Variants in CREB3L2 observed in about 807,000 individuals in gnomAD.
CREB3L2 encodes the protein cAMP responsive element binding protein 3 like 2.
In CREB3L2, 23 loss-of-function variants were observed where a neutral mutation model predicts 57.2. That is an observed-to-expected ratio of 0.40 (90% CI 0.29 to 0.57). The LOEUF is 0.57. Among genes scored for constraint, CREB3L2 ranks in the 20% least tolerant of loss-of-function variants. The probability of loss-of-function intolerance (pLI) is 0.42; values close to 1 mark genes in which losing one functional copy is unlikely to be tolerated. For synonymous variants in CREB3L2, 268 were observed against 265.1 expected (o/e 1.01, Z -0.11); for missense variants, 628 against 634.7 (o/e 0.99, Z 0.11).
intron 1 of CREB3L2, 134 bp from the exon 2 acceptor site, chr7:137,928,500 T>C: frequency 2.8e-6 from 2 of 722,800 alleles, no homozygotes; most frequent in Non-Finnish European, 4.8e-6. Flanking sequence ...AGTTAGCTCG[T>C]GCTGTGTAGC....
rs186566230 is a variant in CREB3L2, at chr7:137,932,713, T to C, written c.103-4347A>G. ...CTTTACAGTTAAGTCCCTAGAAGCT[T>C]ACAAAGTTCCTACAAGTTCAAATAT... On this transcript the variant is annotated intron_variant, in intron 1 of 11. Transcript: ENST00000330387. Among the ~76,000 whole-genome samples, 21 of 152,328 alleles carry C rather than the reference T, an allele frequency of 1.4e-4. No homozygotes were observed. In the East Asian group the frequency reaches 4.0e-3, roughly 29 times the overall value.
At chr7:137,909,512 G>A (rs1320942404) in intron 4 of CREB3L2, among the ~76,000 whole-genome samples, 1 of 152,218 alleles carries the variant, frequency 6.6e-6, no homozygotes, top group Non-Finnish European at 1.5e-5. Flanking sequence ...ATAACTGCAG[G>A]TAAACGCTTC....
intron 8 of CREB3L2, among the ~76,000 whole-genome samples, chr7:137,897,161 A>T (rs28612332): frequency 0.017 from 2,580 of 152,332 alleles, 66 homozygotes; most frequent in African/African-American, 0.056. Flanking sequence ...TGATTGTGAT[A>T]ATCATTTCAT....
chr7:137,902,356 CT>C (rs1799781960), intron 7 of CREB3L2, among the ~76,000 whole-genome samples: 1 of 152,118 alleles, frequency 6.6e-6, no homozygotes, highest in African/African-American at 2.4e-5. Context: ...TCCCTCTATA[CT>C]ACAGTAATCT....
chr7:137,994,067 G>C (rs1016627110), intron 1 of CREB3L2, among the ~76,000 whole-genome samples: 1 of 152,296 alleles, frequency 6.6e-6, no homozygotes, highest in Non-Finnish European at 1.5e-5. Context: ...AGAGACAGTG[G>C]GTCTCATTAT....
At chr7:137,962,314 C>A (rs1801336509) in intron 1 of CREB3L2, among the ~76,000 whole-genome samples, 1 of 152,236 alleles carries the variant, frequency 6.6e-6, no homozygotes, top group African/African-American at 2.4e-5. Context: ...CATTGGAAGG[C>A]TGTCATCAAG....
intron 1 of CREB3L2, among the ~76,000 whole-genome samples, chr7:137,962,407 A>C (rs1801337879): frequency 6.6e-6 from 1 of 152,062 alleles, no homozygotes; most frequent in Non-Finnish European, 1.5e-5. Flanking sequence ...AAGGGTTTCT[A>C]GGCCCCCTTT....
In CREB3L2 at chr7:137,882,441, C is replaced by A; in HGVS notation, c.1458G>T (p.Lys486Asn). 1 of 1,613,898 alleles carries A rather than the reference C, an allele frequency of 6.2e-7. No individual in the cohort carries two copies. Among genetic ancestry groups the A allele is most frequent in the East Asian group, 2.2e-5 (1 of 44,882 alleles). The change falls in exon 11 of 12, where the codon AAG becomes AAT. Residue 486 changes from lysine (K) to asparagine (N), a missense_variant. Transcript: ENST00000330387. ...FIISNETSLE[K>N]SVLLELQQHL... ...GCTGCTGCAGCTCCAAAAGCACTGA[C>A]TTCTCCAGGCTGGTCTCATTCGAGA...
chr7:137,978,908 C>A (rs752320484), intron 1 of CREB3L2, among the ~76,000 whole-genome samples: 4 of 152,122 alleles, frequency 2.6e-5, no homozygotes, highest in Non-Finnish European at 5.9e-5. Flanking sequence ...CCTGTGAGGG[C>A]CTAGAGAGTG....
At chr7:138,000,092 G>A (rs749399714) in intron 1 of CREB3L2, among the ~76,000 whole-genome samples, 17 of 152,206 alleles carry the variant, frequency 1.1e-4, no homozygotes, top group Admixed American at 2.0e-4. Flanking sequence ...ATGCCTGTGC[G>A]TAATTCATCC....
chr7:137,881,960 T>C (rs1045053580), intron 11 of CREB3L2, among the ~76,000 whole-genome samples: 14 of 152,180 alleles, frequency 9.2e-5, no homozygotes, highest in Non-Finnish European at 1.2e-4. Context: ...AATTAACACA[T>C]GTGTATTTAC....
At chr7:137,946,699 A>G (rs1800982790) in intron 1 of CREB3L2, among the ~76,000 whole-genome samples, 1 of 147,940 alleles carries the variant, frequency 6.8e-6, no homozygotes, top group Non-Finnish European at 1.5e-5. Context: ...AAGGCTGTCC[A>G]TACATTTTTA....
chr7:137,994,210 T>C (rs747631309), intron 1 of CREB3L2, among the ~76,000 whole-genome samples: 9 of 152,184 alleles, frequency 5.9e-5, no homozygotes, highest in Non-Finnish European at 1.2e-4. Flanking sequence ...AGCTAAGGCT[T>C]AAGGCTATTT....
intron 1 of CREB3L2, among the ~76,000 whole-genome samples, chr7:137,959,611 T>A (rs1423400452): frequency 6.6e-6 from 1 of 152,188 alleles, no homozygotes. Flanking sequence ...TAAACACCAT[T>A]CCCAAAAACG....
chr7:137,903,888 C>T (rs1252594422), intron 7 of CREB3L2, 71 bp downstream of exon 7: 7 of 1,308,744 alleles, frequency 5.3e-6, no homozygotes, highest in South Asian at 4.8e-5. Flanking sequence ...TGCTTCTCCC[C>T]GATTCTCCGC....
intron 1 of CREB3L2, among the ~76,000 whole-genome samples, chr7:137,929,633 T>C (rs943179108): frequency 2.0e-5 from 3 of 150,740 alleles, no homozygotes; most frequent in Admixed American, 6.6e-5. Flanking sequence ...GAGGCCAAGG[T>C]GGGCGGATCA....
chr7:137,905,791 C>A lies in CREB3L2; in HGVS notation c.826G>T (p.Ala276Ser), dbSNP rs757149656. ...TTGGTGGGGATGGGATAGCCCTCAG[C>A]GATCAGGGTCCTCTTCTCCTCCTCT... ...LTEEEKRTLI[A>S]EGYPIPTKLP... is the part of the protein sequence containing the mutation. Residue 276 changes from alanine to serine, a missense_variant, in exon 6 of 12, where the codon GCT (alanine) becomes TCT (serine). Coordinates refer to ENST00000330387, the MANE Select transcript of CREB3L2 (RefSeq NM_194071.4). 1 of 1,614,076 alleles carries A rather than the reference C, an allele frequency of 6.2e-7. No individual in the cohort carries two copies. Among genetic ancestry groups the A allele is most frequent in the Admixed American group, 1.7e-5 (1 of 60,022 alleles).
In CREB3L2 at chr7:137,884,068, C is replaced by T. The variant is rs574021767; in HGVS notation, c.1270+927G>A. 8.5e-5 allele frequency among the ~76,000 whole-genome samples: 13 copies of T among 152,298 alleles called. No individual in the cohort carries two copies. In the East Asian group the frequency reaches 1.4e-3, roughly 16 times the overall value. ...CCGCCCAGGCTGGGGTGCAGTGGCA[C>T]GATCTCGGCTCACTGCAACCTCCGC... On this transcript the variant is annotated intron_variant, in intron 10 of 11. Transcript: ENST00000330387.
intron 4 of CREB3L2, 181 bp downstream of exon 4, chr7:137,912,810 G>T (rs566878941): frequency 6.7e-7 from 1 of 1,500,202 alleles, no homozygotes; most frequent in East Asian, 2.5e-5. Flanking sequence ...GAAAATAATA[G>T]TTAGCTTGCA....
Sources: gnomAD v4.1 joint callset for allele counts (sites outside exome capture counted in the v4.1 genomes callset) on GRCh38, gnomAD v4.1.1 for gene constraint, MANE v1.5 for transcripts, NCBI Gene and HGNC (gene_info 2026-07-23, HGNC 2026-07-21) for gene names.